The following TRAPPC3 variants were observed in gnomAD, a reference collection of about 807,000 sequenced individuals.
TRAPPC3 encodes the protein trafficking protein particle complex 3.
A neutral mutation model predicts 18.2 loss-of-function variants in TRAPPC3; 5 were observed. The observed-to-expected ratio is 0.28, with a 90% CI of 0.14 to 0.58. The LOEUF (loss-of-function observed/expected upper bound fraction) is 0.58. Among genes scored for constraint, TRAPPC3 ranks in the 20% least tolerant of loss-of-function variants. The pLI is 0.91. For synonymous variants in TRAPPC3, 65 were observed against 84.2 expected (o/e 0.77, Z 1.25); for missense variants, 176 against 225.9 (o/e 0.78, Z 1.41).
upstream of TRAPPC3, among the ~76,000 whole-genome samples, chr1:36,152,679 G>A (rs1644280281): frequency 6.7e-6 from 1 of 149,672 alleles, no homozygotes; most frequent in African/African-American, 2.5e-5. Context: ...TTTTTAGACA[G>A]GGTCTCTGTC....
chr1:36,153,728 G>A (rs1264794771), upstream of TRAPPC3, among the ~76,000 whole-genome samples: 1 of 152,108 alleles, frequency 6.6e-6, no homozygotes, highest in Non-Finnish European at 1.5e-5. Context: ...AATGTCTCCT[G>A]GGGGGCAAAA....
rs1356731956 is a variant in TRAPPC3 at position 36,149,447 on chromosome 1, C to G, written c.-69G>C. 4 of 1,584,578 alleles carry G rather than the reference C, an allele frequency of 2.5e-6. No homozygotes were observed. Among genetic ancestry groups the G allele is most frequent in the Admixed American group, 3.4e-5 (2 of 58,234 alleles). On this transcript the variant is annotated 5_prime_UTR_variant, in exon 1 of 5. Transcript: ENST00000373166. Reference sequence around the variant, plus strand: ...CGGCGACCCCTGCAGACGCCGGAGCCTAAGCCGCTGCCCCTCAGCCCACAA... The same window carrying G: ...CGGCGACCCCTGCAGACGCCGGAGCGTAAGCCGCTGCCCCTCAGCCCACAA...
intron 3 of TRAPPC3, chr1:36,138,214 C>G: frequency 6.5e-7 from 1 of 1,546,668 alleles, no homozygotes; most frequent in Non-Finnish European, 8.7e-7. Context: ...TTTTGTTTTC[C>G]CAGAAACATT....
chr1:36,148,810 T>A (rs1644237404), intron 1 of TRAPPC3, among the ~76,000 whole-genome samples: 1 of 152,150 alleles, frequency 6.6e-6, no homozygotes, highest in Non-Finnish European at 1.5e-5. Flanking sequence ...TATCTGAACA[T>A]CTCTCACAAT....
chr1:36,144,437 G>C (rs1644164306), intron 1 of TRAPPC3, among the ~76,000 whole-genome samples: 2 of 152,066 alleles, frequency 1.3e-5, no homozygotes, highest in Admixed American at 1.3e-4. Flanking sequence ...GTGGTCACCT[G>C]AGCCCAGGAG....
intron 1 of TRAPPC3, among the ~76,000 whole-genome samples, chr1:36,144,312 G>T (rs1018405640): frequency 3.1e-5 from 2 of 64,102 alleles, no homozygotes; most frequent in African/African-American, 1.3e-4. Context: ...AAAAAAAAGG[G>T]AGGGCAAGTC....
At chr1:36,150,043 C>T (rs754148229), upstream of TRAPPC3, among the ~76,000 whole-genome samples, 4 of 152,216 alleles carry the variant, frequency 2.6e-5, no homozygotes, top group Admixed American at 6.5e-5. Flanking sequence ...CCTGTGGCCT[C>T]GTGATGGAAT....
chr1:36,145,324 T>C (rs1364567220), intron 1 of TRAPPC3, among the ~76,000 whole-genome samples: 2 of 151,938 alleles, frequency 1.3e-5, no homozygotes, highest in Non-Finnish European at 2.9e-5. Flanking sequence ...CCACCATGCC[T>C]GGCCAGGAGG....
chr1:36,146,942 G>A (rs1444073209), intron 1 of TRAPPC3, among the ~76,000 whole-genome samples: 1 of 152,154 alleles, frequency 6.6e-6, no homozygotes, highest in Non-Finnish European at 1.5e-5. Context: ...CTAAAATCTA[G>A]TTACTTGGGC....
intron 1 of TRAPPC3, among the ~76,000 whole-genome samples, chr1:36,155,194 T>C (rs1227293662): frequency 6.6e-6 from 1 of 151,848 alleles, no homozygotes. Context: ...CCCCTCCTCC[T>C]CCCCCGCAAC....
upstream of TRAPPC3, among the ~76,000 whole-genome samples, chr1:36,153,621 T>C (rs1644286916): frequency 6.6e-6 from 1 of 152,186 alleles, no homozygotes; most frequent in South Asian, 2.1e-4. Context: ...TCCTACGCAA[T>C]GTAGGATGGT....
intron 4 of TRAPPC3, 110 bp from the exon 5 acceptor site, chr1:36,137,432 G>T: frequency 8.6e-7 from 1 of 1,168,002 alleles, no homozygotes. Context: ...AAGGGGGGCT[G>T]GTTTCCCACA....
At chr1:36,150,969 A>T (rs1384258136), upstream of TRAPPC3, among the ~76,000 whole-genome samples, 1 of 152,072 alleles carries the variant, frequency 6.6e-6, no homozygotes, top group Admixed American at 6.5e-5. Flanking sequence ...GCCCACAGAA[A>T]CCTGAGTCAC....
chr1:36,149,547 T>C (rs2231309), upstream of TRAPPC3: 1 of 784,506 alleles, frequency 1.3e-6, no homozygotes, highest in Non-Finnish European at 2.1e-6. Context: ...CCGGCCGACG[T>C]GGGCAACTCC....
At chr1:36,143,054 T>C (rs1168281756) in intron 1 of TRAPPC3, among the ~76,000 whole-genome samples, 1 of 151,916 alleles carries the variant, frequency 6.6e-6, no homozygotes, top group African/African-American at 2.4e-5. Flanking sequence ...TAAATATAAA[T>C]ATAAACAAAT....
chr1:36,151,981 G>T (rs1369859578), upstream of TRAPPC3, among the ~76,000 whole-genome samples: 1 of 152,192 alleles, frequency 6.6e-6, no homozygotes, highest in Non-Finnish European at 1.5e-5. Context: ...GTGCTGGTTA[G>T]AGACCCCGTG....
chr1:36,151,747 T>C (rs1180190552), upstream of TRAPPC3, among the ~76,000 whole-genome samples: 3 of 152,176 alleles, frequency 2.0e-5, no homozygotes, highest in African/African-American at 7.2e-5. Context: ...AGATGTCCCC[T>C]CACCACCCTC....
upstream of TRAPPC3, among the ~76,000 whole-genome samples, chr1:36,151,406 CTTTT>C (rs774961286): frequency 4.3e-4 from 66 of 152,104 alleles, no homozygotes; most frequent in Non-Finnish European, 7.9e-4. Context: ...AATAGCCACT[CTTTT>C]GTTTATTTAC....
upstream of TRAPPC3, among the ~76,000 whole-genome samples, chr1:36,154,508 G>C (rs1490826189): frequency 6.6e-6 from 1 of 152,150 alleles, no homozygotes; most frequent in Non-Finnish European, 1.5e-5. Context: ...CTCTGGAAGA[G>C]GCAGGCTGTG....
Sources: gnomAD v4.1 joint callset for allele counts (sites outside exome capture counted in the v4.1 genomes callset) on GRCh38, gnomAD v4.1.1 for gene constraint, MANE v1.5 for transcripts, NCBI Gene and HGNC (gene_info 2026-07-23, HGNC 2026-07-21) for gene names.